The following KNTC1 variants were observed in gnomAD, a reference collection of about 807,000 sequenced individuals.
KNTC1 encodes kinetochore associated 1, also known as kinetochore-associated protein 1.
Under a neutral mutation model 314.4 loss-of-function variants are expected in KNTC1, and 253 were observed. The observed-to-expected ratio is 0.80, with a 90% CI of 0.73 to 0.89. The LOEUF (loss-of-function observed/expected upper bound fraction) is 0.89, where lower values mean the gene tolerates loss of function less well. KNTC1 is among the 40% of genes least tolerant of loss of function. The pLI is 0.00. For missense variants in KNTC1, 2,475 were observed against 2,572.9 expected (o/e 0.96, Z 0.82); for synonymous variants, 901 against 901.4 (o/e 1.00, Z 0.01).
At chr12:122,580,045 C>T (rs1351730870) in intron 32 of KNTC1, 68 bp downstream of exon 32, 6 of 1,024,862 alleles carry the variant, frequency 5.9e-6, no homozygotes, top group African/African-American at 1.6e-5. Flanking sequence ...AAAGAGGCAT[C>T]GAAGACAACT....
In KNTC1 at chr12:122,613,634, T is replaced by G; in HGVS notation, c.5750T>G (p.Leu1917Trp). Residue 1917 changes from leucine (L) to tryptophan (W), a missense_variant, in exon 55 of 64, where the codon TTG becomes TGG. Coordinates refer to ENST00000333479, the MANE Select transcript of KNTC1 (RefSeq NM_014708.6). ...ACGTTTCTGTTTTCCAGATCTTATT[T>G]GAGATGTATAACTTTTCTGGCATCA... ...KKPIEEVKSYLRCITFLASFE... is the reference protein window; with the variant it reads ...KKPIEEVKSYWRCITFLASFE... The G allele has an allele frequency of 6.2e-7, 1 of 1,605,458 alleles. No individual in the cohort carries two copies. Among genetic ancestry groups the G allele is most frequent in the South Asian group, 1.1e-5 (1 of 89,046 alleles).
At chr12:122,574,402 G>A in intron 27 of KNTC1, 22 bp downstream of exon 27, 1 of 1,367,346 alleles carries the variant, frequency 7.3e-7, no homozygotes, top group Admixed American at 2.1e-5. Flanking sequence ...GTGACCATTT[G>A]CGTTTCCCTT....
At chr12:122,535,614 G>T (rs1487213580) in intron 3 of KNTC1, among the ~76,000 whole-genome samples, 9 of 151,880 alleles carry the variant, frequency 5.9e-5, no homozygotes, top group East Asian at 3.9e-4. Flanking sequence ...CTACACTCCA[G>T]CCTGGGTGAC....
In KNTC1 at chr12:122,562,477, GTGTA is replaced by G. The variant is rs1276580606; in HGVS notation, c.1543-157_1543-154del. On this transcript the variant is annotated intron_variant, in intron 19 of 63. Coordinates refer to ENST00000333479, the MANE Select transcript of KNTC1 (RefSeq NM_014708.6). ...TGTGTGTGTGTGTGTGTGTGTGTGT[GTGTA>G]TGTGTGTGAAATAAAGGCAGTCCTA... 2.1e-3 allele frequency among the ~76,000 whole-genome samples: 269 copies of G among 129,374 alleles called. 1 individual carries two copies. In the South Asian group the frequency reaches 0.029, roughly 14 times the overall value. The allele number at this position is 129,374 out of a possible 152,430, so 84.9% of individuals were successfully genotyped here.
At chr12:122,551,827 T>C (rs1034997762) in intron 16 of KNTC1, 131 bp downstream of exon 16, 1 of 706,178 alleles carries the variant, frequency 1.4e-6, no homozygotes, top group African/African-American at 1.8e-5. Context: ...TGACTGAAGT[T>C]GATTAGAGAT....
chr12:122,601,416 T>C (rs1871882403), intron 44 of KNTC1, 120 bp from the exon 45 acceptor site: 5 of 909,204 alleles, frequency 5.5e-6, no homozygotes, highest in Non-Finnish European at 7.9e-6. Context: ...GAGTAATTAA[T>C]TTAACAATGT....
chr12:122,609,201 T>G (rs1872853045), intron 51 of KNTC1, 183 bp from the exon 52 acceptor site: 1 of 574,320 alleles, frequency 1.7e-6, no homozygotes, highest in Non-Finnish European at 3.1e-6. Context: ...ATTTGTTGAG[T>G]AAACAAATAT....
chr12:122,565,959 T>G (rs1441818768), intron 20 of KNTC1, among the ~76,000 whole-genome samples: 1 of 150,494 alleles, frequency 6.6e-6, no homozygotes, highest in Non-Finnish European at 1.5e-5. Flanking sequence ...AATCTTTTTT[T>G]TTTTTTTTTT....
Position 122,591,119 on chromosome 12 carries a change from T to C in KNTC1, c.4129-218T>C, listed in dbSNP as rs1172904485. On this transcript the variant is annotated intron_variant, in intron 41 of 63. Coordinates refer to ENST00000333479, the MANE Select transcript of KNTC1 (RefSeq NM_014708.6). ...TGCAAGATAACTAAAATTTGGCCTTTTATTATAAAGGAAAGCCAGGCTAAA... is the reference window on the plus strand; with the variant it reads ...TGCAAGATAACTAAAATTTGGCCTTCTATTATAAAGGAAAGCCAGGCTAAA... Among the ~76,000 whole-genome samples, 3 of 152,116 alleles carry C rather than the reference T, an allele frequency of 2.0e-5. No homozygotes were observed. The East Asian group carries it at 5.8e-4, about 29-fold the overall frequency.
chr12:122,574,424 A>G, intron 27 of KNTC1, 44 bp downstream of exon 27: 2 of 1,179,798 alleles, frequency 1.7e-6, no homozygotes, highest in Non-Finnish European at 2.4e-6. Context: ...TGAGCATTAA[A>G]TCTTTTCTGA....
chr12:122,610,777 C>T lies in KNTC1; in HGVS notation c.5544-45C>T, dbSNP rs542999642. On this transcript the variant is annotated intron_variant, in intron 52 of 63. Transcript: ENST00000333479. Reference sequence around the variant, plus strand: ...AGATAAGTCTGTTGTTTTGGTAATCCATCACTAAATTAAAAAATGACTGTA... The same window carrying T: ...AGATAAGTCTGTTGTTTTGGTAATCTATCACTAAATTAAAAAATGACTGTA... The T allele has an allele frequency of 4.1e-6, 5 of 1,211,862 alleles. No individual in the cohort carries two copies. In the Admixed American group the frequency reaches 8.7e-5, roughly 21 times the overall value. 75.1% of individuals were successfully genotyped at this position (1,211,862 alleles called of 1,614,324 possible).
chr12:122,594,866 G>T (rs78891079), intron 43 of KNTC1, among the ~76,000 whole-genome samples: 2,953 of 152,274 alleles, frequency 0.019, 94 homozygotes, highest in African/African-American at 0.06. Flanking sequence ...GTTTATAAAA[G>T]AATTTTTATT....
At chr12:122,569,549 A>G (rs1009609895) in intron 21 of KNTC1, 132 bp from the exon 22 acceptor site, 1 of 709,284 alleles carries the variant, frequency 1.4e-6, no homozygotes, top group Non-Finnish European at 2.3e-6. Flanking sequence ...CATAGTGTGA[A>G]TCTCCTTTAG....
At chr12:122,559,032 GCTT>G (rs1186656993) in intron 18 of KNTC1, among the ~76,000 whole-genome samples, 1 of 151,966 alleles carries the variant, frequency 6.6e-6, no homozygotes, top group Admixed American at 6.6e-5. Flanking sequence ...TTCATGTCTG[GCTT>G]CTTTCACTTA....
At chr12:122,561,440 CTATT>C (rs1413116808) in intron 18 of KNTC1, among the ~76,000 whole-genome samples, 4 of 151,330 alleles carry the variant, frequency 2.6e-5, no homozygotes, top group South Asian at 2.1e-4. Flanking sequence ...AGTATTTTTG[CTATT>C]TATTTATTTA....
At chr12:122,585,820 G>A in intron 37 of KNTC1, 46 bp downstream of exon 37, 1 of 1,592,036 alleles carries the variant, frequency 6.3e-7, no homozygotes, top group South Asian at 1.1e-5. Flanking sequence ...TCTGTCTTAT[G>A]TAAATTTAAA....
At chr12:122,534,013 C>A (rs1166062683) in intron 2 of KNTC1, among the ~76,000 whole-genome samples, 1 of 152,218 alleles carries the variant, frequency 6.6e-6, no homozygotes, top group Non-Finnish European at 1.5e-5. Context: ...GCTTCCTCAA[C>A]CACTAATCTG....
rs1200686818 is a variant in KNTC1 at position 122,620,598 on chromosome 12, A to G, written c.6269A>G (p.Gln2090Arg). The part of the protein sequence containing the change: ...MLMPHSEKRH[Q>R]QIKNFLGSCD... ...ATGCCCCACTCAGAGAAAAGACACCAGCAAATTAAGGTATCGTGCACATGA... is the reference window on the plus strand; with the variant it reads ...ATGCCCCACTCAGAGAAAAGACACCGGCAAATTAAGGTATCGTGCACATGA... Residue 2090 changes from glutamine to arginine, a missense_variant, in exon 60 of 64, where the codon CAG becomes CGG. Physicochemically the swap from Gln to Arg is conservative, Grantham distance 43. Coordinates refer to ENST00000333479, the MANE Select transcript of KNTC1 (RefSeq NM_014708.6). 1 of 1,613,430 alleles carries G rather than the reference A, an allele frequency of 6.2e-7. No individual in the cohort carries two copies. Among genetic ancestry groups the G allele is most frequent in the Admixed American group, 1.7e-5 (1 of 59,998 alleles).
In KNTC1 at chr12:122,557,398, C is replaced by G; in HGVS notation, c.1287C>G (p.Val429=). The change falls in exon 17 of 64, where the codon GTC becomes GTG. Residue 429 remains valine (V), a synonymous_variant. Transcript: ENST00000333479. The part of the protein sequence containing the change: ...FGLDVELVYK[V]KSNHILEKLA... ...TTATATTACAGCTTGTTTACAAGGTCAAGTCAAATCATATATTGGAGAAAC... is the reference window on the plus strand; with the variant it reads ...TTATATTACAGCTTGTTTACAAGGTGAAGTCAAATCATATATTGGAGAAAC... 6.2e-7 allele frequency: 1 copy of G among 1,612,674 alleles called. No individual in the cohort carries two copies. The highest frequency in any genetic ancestry group is 1.1e-5 in the South Asian group (1 of 90,776).
Sources: gnomAD v4.1 joint callset for allele counts (sites outside exome capture counted in the v4.1 genomes callset) on GRCh38, gnomAD v4.1.1 for gene constraint, MANE v1.5 for transcripts, NCBI Gene and HGNC (gene_info 2026-07-23, HGNC 2026-07-21) for gene names.